Variants in STK32A observed in about 807,000 individuals in gnomAD.
The protein encoded by STK32A is serine/threonine kinase 32A.
In STK32A, 41 loss-of-function variants were observed where a neutral mutation model predicts 53.2. The observed-to-expected ratio is 0.77, with a 90% CI of 0.60 to 1.00. The LOEUF is 1.00. Ranked by LOEUF, STK32A falls within the 50% of genes least tolerant of loss-of-function variation. STK32A has a pLI of 0.00. For missense variants in STK32A, 458 were observed against 485.8 expected (o/e 0.94, Z 0.54); for synonymous variants, 166 against 162.8 (o/e 1.02, Z -0.15).
At chr5:147,334,302 A>G (rs925792112) in intron 5 of STK32A, among the ~76,000 whole-genome samples, 19 of 152,296 alleles carry the variant, frequency 1.2e-4, no homozygotes, top group Non-Finnish European at 2.5e-4. Context: ...AATTAGCCTC[A>G]TAGTTCTGTT....
intron 4 of STK32A, among the ~76,000 whole-genome samples, chr5:147,313,995 C>G (rs1753832274): frequency 6.6e-6 from 1 of 151,874 alleles, no homozygotes; most frequent in Non-Finnish European, 1.5e-5. Flanking sequence ...AGTAGATGAT[C>G]AAGACCTTGT....
chr5:147,305,756 G>A (rs539572808), intron 4 of STK32A, among the ~76,000 whole-genome samples: 3 of 151,766 alleles, frequency 2.0e-5, no homozygotes, highest in Non-Finnish European at 2.9e-5. Flanking sequence ...ATACTCCATG[G>A]TTCATTTACG....
intron 10 of STK32A, among the ~76,000 whole-genome samples, chr5:147,374,363 C>T (rs1049090772): frequency 1.3e-5 from 2 of 151,640 alleles, no homozygotes; most frequent in Admixed American, 6.6e-5. Flanking sequence ...CCTTCATGTA[C>T]ACACAGCAGG....
intron 4 of STK32A, among the ~76,000 whole-genome samples, chr5:147,321,793 C>T (rs974841991): frequency 6.6e-6 from 1 of 152,196 alleles, no homozygotes; most frequent in Non-Finnish European, 1.5e-5. Flanking sequence ...GAGTGAATCA[C>T]ATCTGCTCTG....
At chr5:147,281,701 A>T (rs1752073152) in intron 4 of STK32A, among the ~76,000 whole-genome samples, 1 of 152,160 alleles carries the variant, frequency 6.6e-6, no homozygotes, top group Non-Finnish European at 1.5e-5. Flanking sequence ...ATAATTGAGG[A>T]AAACTTCCCC....
chr5:147,370,236 T>C lies in STK32A; in HGVS notation c.661-418T>C, dbSNP rs527625949. 2.5e-3 allele frequency among the ~76,000 whole-genome samples: 388 copies of C among 152,282 alleles called. 5 individuals carry two copies. The highest frequency in any genetic ancestry group is 3.6e-3 in the Non-Finnish European group (248 of 68,010). ...AGTGAAAGGGATGGTATGGTAAAAT[T>C]CTGGATTTACTTGCAATCAACCCTT... On this transcript the variant is annotated intron_variant, in intron 8 of 12. Transcript: ENST00000397936.
intron 5 of STK32A, among the ~76,000 whole-genome samples, chr5:147,334,780 G>A (rs893047488): frequency 6.6e-6 from 1 of 152,068 alleles, no homozygotes; most frequent in Non-Finnish European, 1.5e-5. Context: ...TCACTATCTA[G>A]CTCTTCTTAC....
At chr5:147,314,507 C>CAAAAAAAACAAAAAAAAAAA (rs1561713376) in intron 4 of STK32A, among the ~76,000 whole-genome samples, 4 of 12,768 alleles carry the variant, frequency 3.1e-4, no homozygotes, top group African/African-American at 5.7e-4. Flanking sequence ...TCAAAAAAAA[C>CAAAAAAAACAAAAAAAAAAA]AAAAAAAAAC....
chr5:147,366,153 C>T (rs1216548469), intron 8 of STK32A, among the ~76,000 whole-genome samples: 3 of 152,100 alleles, frequency 2.0e-5, no homozygotes, highest in Non-Finnish European at 2.9e-5. Context: ...ATTAGGTCAA[C>T]GTTTCAGATT....
chr5:147,320,938 C>T (rs922039113), intron 4 of STK32A, among the ~76,000 whole-genome samples: 1 of 152,212 alleles, frequency 6.6e-6, no homozygotes, highest in South Asian at 2.1e-4. Flanking sequence ...GCCTGGATGA[C>T]ATGATAAAAC....
intron 4 of STK32A, among the ~76,000 whole-genome samples, chr5:147,300,384 C>T (rs1055547656): frequency 3.3e-5 from 5 of 152,240 alleles, no homozygotes; most frequent in Middle Eastern, 3.4e-3. Flanking sequence ...CTCTGAGACT[C>T]CTGCAAAAAT....
At chr5:147,286,848 T>A (rs908904119) in intron 4 of STK32A, among the ~76,000 whole-genome samples, 9 of 152,174 alleles carry the variant, frequency 5.9e-5, no homozygotes, top group African/African-American at 2.2e-4. Context: ...ATATGCTGAC[T>A]GGGAAGGAGT....
At chr5:147,256,955 A>C (rs1239593658) in intron 2 of STK32A, among the ~76,000 whole-genome samples, 1 of 152,130 alleles carries the variant, frequency 6.6e-6, no homozygotes, top group South Asian at 2.1e-4. Context: ...CATTTTAAAT[A>C]ATCTAATAGG....
chr5:147,400,829 C>A, the STK32A span: 1 of 1,613,366 alleles, frequency 6.2e-7, no homozygotes, highest in Admixed American at 1.7e-5. Flanking sequence ...AGCTGCAGAT[C>A]CCCGCTGGCA....
Position 147,361,619 on chromosome 5 carries a change from T to A in STK32A, c.660+5T>A, listed in dbSNP as rs1045291912. The A allele has an allele frequency of 6.3e-7, 1 of 1,585,676 alleles. No homozygotes were observed. The highest frequency in any genetic ancestry group is 1.1e-5 in the South Asian group (1 of 89,578). Reference sequence around the variant, plus strand: ...TATGAACTGCTGAGAGGCCGGGTACTGTAGTAGCATTTCCTCTTTGGTTAT... The same window carrying A: ...TATGAACTGCTGAGAGGCCGGGTACAGTAGTAGCATTTCCTCTTTGGTTAT... On this transcript the variant is annotated splice_donor_5th_base_variant and intron_variant, in intron 8 of 12. Transcript: ENST00000397936.
At chr5:147,245,697 T>C (rs1478694745) in intron 2 of STK32A, among the ~76,000 whole-genome samples, 1 of 152,232 alleles carries the variant, frequency 6.6e-6, no homozygotes, top group Non-Finnish European at 1.5e-5. Flanking sequence ...TAGAATATTA[T>C]AGCTAAGAAA....
chr5:147,389,397 A>G (rs1361255237), downstream of STK32A, among the ~76,000 whole-genome samples: 1 of 152,176 alleles, frequency 6.6e-6, no homozygotes, highest in Non-Finnish European at 1.5e-5. Flanking sequence ...CAGGTATGTT[A>G]TCCGGTGTGG....
intron 8 of STK32A, among the ~76,000 whole-genome samples, chr5:147,367,619 C>T (rs918089989): frequency 1.3e-5 from 2 of 152,006 alleles, no homozygotes; most frequent in African/African-American, 4.8e-5. Context: ...CAGCGGGGGA[C>T]GTTTTGAGCC....
chr5:147,349,912 A>G (rs1284391728), intron 6 of STK32A, among the ~76,000 whole-genome samples: 3 of 152,040 alleles, frequency 2.0e-5, no homozygotes, highest in Non-Finnish European at 4.4e-5. Flanking sequence ...GAGATCGTAG[A>G]ACACCCTGAC....
Sources: gnomAD v4.1 joint callset for allele counts (sites outside exome capture counted in the v4.1 genomes callset) on GRCh38, gnomAD v4.1.1 for gene constraint, MANE v1.5 for transcripts, NCBI Gene and HGNC (gene_info 2026-07-23, HGNC 2026-07-21) for gene names.